Variants in OPCML observed in about 807,000 individuals in gnomAD.
The protein encoded by OPCML is opioid binding protein/cell adhesion molecule like.
In OPCML, 13 loss-of-function variants were observed where a neutral mutation model predicts 37.8. The observed-to-expected ratio is 0.34, with a 90% CI of 0.22 to 0.55. OPCML has a LOEUF of 0.55. Ranked by LOEUF, OPCML falls within the 20% of genes least tolerant of loss-of-function variation. The pLI, the probability that OPCML is intolerant of heterozygous loss-of-function variation, is 0.91. For synonymous variants in OPCML, 176 were observed against 168.8 expected (o/e 1.04, Z -0.33); for missense variants, 341 against 435.6 (o/e 0.78, Z 1.93).
chr11:132,451,848 A>G (rs879822703), intron 4 of OPCML, among the ~76,000 whole-genome samples: 1 of 152,186 alleles, frequency 6.6e-6, no homozygotes, highest in African/African-American at 2.4e-5. Context: ...GGGTCTCAGT[A>G]AAAACTGTTA....
chr11:132,745,576 AAAAAAAAG>A (rs1175796208), intron 2 of OPCML, among the ~76,000 whole-genome samples: 12,003 of 143,880 alleles, frequency 0.083, 368 homozygotes, highest in African/African-American at 0.14. Flanking sequence ...AAAAAAAAAA[AAAAAAAAG>A]AAAGAAAGAA....
chr11:133,527,554 T>G (rs1948514578), intron 1 of OPCML, among the ~76,000 whole-genome samples: 1 of 152,188 alleles, frequency 6.6e-6, no homozygotes, highest in African/African-American at 2.4e-5. Flanking sequence ...TACCTTATCT[T>G]CTCCCATTTT....
chr11:132,957,658 T>C (rs1039553734), intron 1 of OPCML, among the ~76,000 whole-genome samples: 6 of 151,976 alleles, frequency 3.9e-5, no homozygotes, highest in African/African-American at 1.5e-4. Flanking sequence ...GGCACCATTT[T>C]TTCCAGCAAC....
chr11:132,571,321 C>T (rs1021779286), intron 3 of OPCML, among the ~76,000 whole-genome samples: 12 of 152,092 alleles, frequency 7.9e-5, no homozygotes, highest in Admixed American at 1.3e-4. Context: ...ACCTGTCAGA[C>T]GGCCTATCAT....
rs1385195036 is a variant in OPCML at position 133,104,471 on chromosome 11, G to A, written c.62-161461C>T. 3.9e-5 allele frequency among the ~76,000 whole-genome samples: 6 copies of A among 152,196 alleles called. No individual in the cohort carries two copies. In the South Asian group the frequency reaches 6.2e-4, roughly 16 times the overall value. On this transcript the variant is annotated intron_variant, in intron 1 of 7. Transcript: ENST00000524381. ...ATTTTTATAAAACAAGTTATTTAGC[G>A]ATACATCCCAATTTTTTGGGCATTT...
At chr11:133,118,175 G>T in intron 1 of OPCML, 2 of 931,614 alleles carry the variant, frequency 2.1e-6, no homozygotes, top group Non-Finnish European at 2.6e-6. Context: ...AAAAGTGGTA[G>T]TGCAGTGCCT....
intron 1 of OPCML, among the ~76,000 whole-genome samples, chr11:133,027,849 A>ATTGTGTGTGTGCT (rs1161566534): frequency 3.1e-4 from 1 of 3,214 alleles, no homozygotes; most frequent in African/African-American, 1.0e-3. Context: ...GGAGTGTAGT[A>ATTGTGTGTGTGCT]GTGTGTGTGG....
intron 2 of OPCML, among the ~76,000 whole-genome samples, chr11:132,757,162 G>A (rs1413227858): frequency 6.6e-6 from 1 of 151,900 alleles, no homozygotes; most frequent in Non-Finnish European, 1.5e-5. Context: ...AGTATTCCAT[G>A]GTGCATATGT....
At chr11:132,460,554 G>A (rs1440872534) in intron 4 of OPCML, among the ~76,000 whole-genome samples, 5 of 152,166 alleles carry the variant, frequency 3.3e-5, no homozygotes, top group African/African-American at 4.8e-5. Flanking sequence ...GGTGACTAAA[G>A]ATAAATGATA....
chr11:133,474,668 G>A (rs180929514), intron 1 of OPCML, among the ~76,000 whole-genome samples: 13 of 152,304 alleles, frequency 8.5e-5, no homozygotes, highest in African/African-American at 2.2e-4. Flanking sequence ...AGAGAAGGGC[G>A]GGGCTGGAGG....
chr11:132,874,293 G>A (rs1370652024), intron 2 of OPCML, among the ~76,000 whole-genome samples: 2 of 152,138 alleles, frequency 1.3e-5, no homozygotes, highest in Non-Finnish European at 2.9e-5. Context: ...TTGGCTGTCA[G>A]GATAGCATTG....
chr11:133,207,271 G>A (rs1939117178), intron 1 of OPCML, among the ~76,000 whole-genome samples: 1 of 152,094 alleles, frequency 6.6e-6, no homozygotes, highest in Non-Finnish European at 1.5e-5. Context: ...CTGCCCTCCA[G>A]CCTGGGCGAC....
chr11:133,161,979 CTCTG>C (rs1217270850), intron 1 of OPCML, among the ~76,000 whole-genome samples: 1 of 117,198 alleles, frequency 8.5e-6, no homozygotes, highest in African/African-American at 3.2e-5. Context: ...GAGAGGCAGT[CTCTG>C]TCTTTTTTTT....
At chr11:133,239,448 GA>G (rs1231427049) in intron 1 of OPCML, among the ~76,000 whole-genome samples, 6 of 152,210 alleles carry the variant, frequency 3.9e-5, no homozygotes, top group Admixed American at 1.3e-4. Flanking sequence ...GTGGAGTAGA[GA>G]GAAAAAGCCT....
At chr11:133,324,862 G>A (rs2136630347) in intron 1 of OPCML, among the ~76,000 whole-genome samples, 1 of 151,662 alleles carries the variant, frequency 6.6e-6, no homozygotes, top group East Asian at 1.9e-4. Context: ...TATAGAATTA[G>A]AGCTATAGTA....
At chr11:133,092,870 A>T (rs1241237497) in intron 1 of OPCML, among the ~76,000 whole-genome samples, 1 of 150,140 alleles carries the variant, frequency 6.7e-6, no homozygotes. Flanking sequence ...GAGAGAGAGG[A>T]TTTCTGGCAA....
intron 1 of OPCML, among the ~76,000 whole-genome samples, chr11:133,396,006 A>G (rs1282818110): frequency 2.0e-5 from 3 of 152,168 alleles, no homozygotes; most frequent in Admixed American, 2.0e-4. Context: ...TGATTCTTCC[A>G]GCCTATGAAC....
At chr11:133,315,847 T>C (rs569308356) in intron 1 of OPCML, among the ~76,000 whole-genome samples, 4 of 152,238 alleles carry the variant, frequency 2.6e-5, no homozygotes, top group African/African-American at 9.6e-5. Flanking sequence ...CTATATTATA[T>C]ATAGCCACAA....
At chr11:132,585,231 A>G (rs1482711213) in intron 3 of OPCML, among the ~76,000 whole-genome samples, 1 of 152,100 alleles carries the variant, frequency 6.6e-6, no homozygotes. Context: ...TTGGTCTCAA[A>G]TTCTACTGGG....
Sources: allele counts gnomAD v4.1 joint callset (sites outside exome capture counted in the v4.1 genomes callset), GRCh38; gene constraint gnomAD v4.1.1; transcripts MANE v1.5; gene names NCBI Gene and HGNC (gene_info 2026-07-23, HGNC 2026-07-21).